LHFPL6: variants seen among roughly 807,000 people sequenced by gnomAD.
LHFPL6 encodes LHFPL tetraspan subfamily member 6.
LHFPL6 carries 9 observed loss-of-function variants against 20.6 expected under a neutral mutation model. That is an observed-to-expected ratio of 0.44 (90% CI 0.26 to 0.76). LHFPL6 has a LOEUF of 0.76. Ranked by LOEUF, LHFPL6 falls within the 30% of genes least tolerant of loss-of-function variation. The pLI, the probability that LHFPL6 is intolerant of heterozygous loss-of-function variation, is 0.20. For missense variants in LHFPL6, 218 were observed against 253.5 expected, an observed-to-expected ratio of 0.86 and a Z score of 0.95; for synonymous variants, 105 against 98.7, an observed-to-expected ratio of 1.06 and a Z score of -0.38.
At chr13:39,401,293 A>G (rs1368603012) in intron 2 of LHFPL6, among the ~76,000 whole-genome samples, 1 of 152,252 alleles carries the variant, frequency 6.6e-6, no homozygotes, top group Non-Finnish European at 1.5e-5. Flanking sequence ...CTAGGCAGGA[A>G]GAAAACAAGT....
chr13:39,602,644 G>A (rs1351600086), intron 1 of LHFPL6, among the ~76,000 whole-genome samples: 2 of 152,186 alleles, frequency 1.3e-5, no homozygotes, highest in Admixed American at 1.3e-4. Context: ...ATTCTAAAAG[G>A]GGGCAAGAGG....
chr13:39,545,923 T>G (rs189086402), intron 2 of LHFPL6, among the ~76,000 whole-genome samples: 6 of 152,240 alleles, frequency 3.9e-5, no homozygotes, highest in Admixed American at 2.0e-4. Context: ...AACAAATGAA[T>G]TAATTAAATT....
intron 2 of LHFPL6, among the ~76,000 whole-genome samples, chr13:39,551,680 G>T (rs1339554474): frequency 6.6e-6 from 1 of 152,150 alleles, no homozygotes; most frequent in Non-Finnish European, 1.5e-5. Flanking sequence ...AAATCCACTA[G>T]AGAAGAATTG....
rs189617094 is a variant in LHFPL6, at chr13:39,345,221, A to G, written c.485-1167T>C. On this transcript the variant is annotated intron_variant, in intron 3 of 3. Transcript: ENST00000379589. ...CACTGAACATAAAGGCCATAGATTG[A>G]AAATCACGGGGCTGGGCGCAGTGGC... Among the ~76,000 whole-genome samples the G allele has an allele frequency of 7.2e-3, 1,099 of 152,268 alleles. 17 individuals carry two copies. The highest frequency in any genetic ancestry group is 0.025 in the African/African-American group (1,048 of 41,570).
At chr13:39,361,322 A>ATTT (rs146825087) in intron 3 of LHFPL6, among the ~76,000 whole-genome samples, 1 of 41,014 alleles carries the variant, frequency 2.4e-5, no homozygotes, top group Admixed American at 2.7e-4. Context: ...AATTTTTTTT[A>ATTT]TTTTTTTTTA....
rs562264616 is a variant in LHFPL6 at position 39,479,630 on chromosome 13, A to T, written c.386-101104T>A. On this transcript the variant is annotated intron_variant, in intron 2 of 3. Coordinates refer to ENST00000379589, the MANE Select transcript of LHFPL6 (RefSeq NM_005780.3). ...TTTCTTTTGGAAATCGGCACTATAA[A>T]CATGTTTTGAGTCTTTGTGGGTTGC... 5.3e-5 allele frequency among the ~76,000 whole-genome samples: 8 copies of T among 152,312 alleles called. No individual in the cohort carries two copies. In the South Asian group the frequency reaches 1.7e-3, roughly 32 times the overall value.
At chr13:39,417,139 T>C (rs765468403) in intron 2 of LHFPL6, among the ~76,000 whole-genome samples, 20 of 152,190 alleles carry the variant, frequency 1.3e-4, no homozygotes, top group Non-Finnish European at 2.1e-4. Flanking sequence ...GTCCAGTGTC[T>C]TTTCTCTTCT....
At chr13:39,406,443 A>C (rs962416316) in intron 2 of LHFPL6, among the ~76,000 whole-genome samples, 7 of 152,130 alleles carry the variant, frequency 4.6e-5, no homozygotes, top group Non-Finnish European at 8.8e-5. Context: ...AAATTCCTTA[A>C]AATTTTAAAC....
chr13:39,439,039 A>G (rs921094896), intron 2 of LHFPL6, among the ~76,000 whole-genome samples: 1 of 152,158 alleles, frequency 6.6e-6, no homozygotes, highest in Non-Finnish European at 1.5e-5. Context: ...TCCAGACCCC[A>G]GAATGTTAGA....
At chr13:39,386,922 C>T (rs915115150) in intron 2 of LHFPL6, among the ~76,000 whole-genome samples, 1 of 152,204 alleles carries the variant, frequency 6.6e-6, no homozygotes, top group African/African-American at 2.4e-5. Context: ...TACCTTAATG[C>T]TCAGAAAATA....
chr13:39,550,746 C>T (rs11841092), intron 2 of LHFPL6, among the ~76,000 whole-genome samples: 26,255 of 151,994 alleles, frequency 0.17, 3,005 homozygotes, highest in East Asian at 0.49. Context: ...AGTTTACATA[C>T]GCTTATTATT....
chr13:39,572,644 C>T (rs920403514), intron 2 of LHFPL6, among the ~76,000 whole-genome samples: 4 of 152,120 alleles, frequency 2.6e-5, no homozygotes, highest in Non-Finnish European at 5.9e-5. Context: ...AATGTGTTGG[C>T]GGTTCTGTGT....
In LHFPL6 at chr13:39,448,361, T is replaced by C. The variant is rs1353660178; in HGVS notation, c.386-69835A>G. The stretch of plus-strand genomic sequence containing the variant: ...TTCTATGCAGGAGCTTTGTCTGTAC[T>C]GCACATTTATTCATCAGGTAGGAAA... On this transcript the variant is annotated intron_variant, in intron 2 of 3. Transcript: ENST00000379589. Among the ~76,000 whole-genome samples the C allele has an allele frequency of 3.9e-5, 6 of 152,206 alleles. No homozygotes were observed. In the East Asian group the frequency reaches 9.6e-4, roughly 24 times the overall value.
chr13:39,389,809 T>C (rs954914942), intron 2 of LHFPL6, among the ~76,000 whole-genome samples: 13 of 152,192 alleles, frequency 8.5e-5, no homozygotes, highest in Non-Finnish European at 1.6e-4. Flanking sequence ...ATCATAAAAT[T>C]ACCCAAGACA....
At chr13:39,448,600 C>T (rs1472072425) in intron 2 of LHFPL6, among the ~76,000 whole-genome samples, 1 of 152,182 alleles carries the variant, frequency 6.6e-6, no homozygotes, top group Non-Finnish European at 1.5e-5. Flanking sequence ...GCTGGTAGTT[C>T]TAGATTTAAA....
intron 2 of LHFPL6, among the ~76,000 whole-genome samples, chr13:39,494,083 T>C (rs1298459275): frequency 3.3e-5 from 5 of 152,200 alleles, no homozygotes; most frequent in Admixed American, 3.3e-4. Flanking sequence ...TCAGGCCTCA[T>C]GTAGGGGAAT....
intron 2 of LHFPL6, among the ~76,000 whole-genome samples, chr13:39,575,035 C>A (rs769421200): frequency 6.6e-6 from 1 of 151,898 alleles, no homozygotes; most frequent in Non-Finnish European, 1.5e-5. Context: ...AGCGCTACTG[C>A]ACTTTGGCCT....
intron 2 of LHFPL6, among the ~76,000 whole-genome samples, chr13:39,410,962 T>G (rs1188731993): frequency 6.6e-6 from 1 of 152,214 alleles, no homozygotes; most frequent in Non-Finnish European, 1.5e-5. Flanking sequence ...ATTAAACCAT[T>G]GTATTATAAA....
chr13:39,364,893 A>G (rs1869971493), intron 3 of LHFPL6, among the ~76,000 whole-genome samples: 1 of 152,146 alleles, frequency 6.6e-6, no homozygotes, highest in East Asian at 1.9e-4. Context: ...TTAGCACTGA[A>G]TCCATCCTAA....
Sources: gnomAD v4.1 joint callset for allele counts (sites outside exome capture counted in the v4.1 genomes callset) on GRCh38, gnomAD v4.1.1 for gene constraint, MANE v1.5 for transcripts, NCBI Gene and HGNC (gene_info 2026-07-23, HGNC 2026-07-21) for gene names.